The following LGALS3 variants were observed in gnomAD, a reference collection of about 807,000 sequenced individuals.
The protein encoded by LGALS3 is galectin 3.
Under a neutral mutation model 20.7 loss-of-function variants are expected in LGALS3, and 18 were observed. The observed-to-expected ratio is 0.87, with a 90% CI of 0.60 to 1.29. The LOEUF (loss-of-function observed/expected upper bound fraction) is 1.29, where lower values mean the gene tolerates loss of function less well. Ranked by LOEUF, LGALS3 falls within the 50% of genes most tolerant of loss-of-function variation. The pLI is 0.00. For synonymous variants in LGALS3, 112 were observed against 119.6 expected (o/e 0.94, Z 0.42); for missense variants, 315 against 314.7 (o/e 1.00, Z -0.01).
chr14:55,143,645 C>T (rs1329586144), intron 5 of LGALS3: 10 of 184,106 alleles, frequency 5.4e-5, no homozygotes, highest in Non-Finnish European at 8.2e-5. Flanking sequence ...TGGTCTTGAT[C>T]TCTTGACCTC....
chr14:55,141,552 T>C (rs758345484), intron 4 of LGALS3, among the ~76,000 whole-genome samples: 23 of 152,202 alleles, frequency 1.5e-4, no homozygotes, highest in Non-Finnish European at 2.6e-4. Flanking sequence ...GAGATGTAGA[T>C]TGAGACTGGC....
Position 55,138,130 on chromosome 14 carries a change from G to T in LGALS3, c.104G>T (p.Gly35Val), listed in dbSNP as rs1472253260. 6.4e-7 allele frequency: 1 copy of T among 1,566,782 alleles called. No homozygotes were observed. The highest frequency in any genetic ancestry group is 8.6e-7 in the Non-Finnish European group (1 of 1,160,256). The change falls in exon 3 of 6, where the codon GGC becomes GTC. Residue 35 changes from glycine (G) to valine (V), a missense_variant. Transcript: ENST00000254301. Reference protein sequence around the residue: ...AWGNQPAGAGGYPGASYPGAY... With the variant: ...AWGNQPAGAGVYPGASYPGAY... The stretch of plus-strand genomic sequence containing the variant: ...GGGAACCAGCCTGCTGGGGCAGGGG[G>T]CTACCCAGGGGCTTCCTATCCTGGG...
intron 5 of LGALS3, among the ~76,000 whole-genome samples, chr14:55,143,249 A>G (rs1286635030): frequency 3.9e-5 from 6 of 152,172 alleles, no homozygotes; most frequent in African/African-American, 1.2e-4. Context: ...GACATACAGC[A>G]CGCTTTTTAT....
Position 55,142,769 on chromosome 14 carries a change from A to T in LGALS3, c.597+20A>T, listed in dbSNP as rs1461879090. On this transcript the variant is annotated intron_variant, in intron 5 of 5. Coordinates refer to ENST00000254301, the MANE Select transcript of LGALS3 (RefSeq NM_002306.4). ...TTCAAAGTAAGTTATTGCTACTATT[A>T]TATATTGATAATGTATATTTCTCAT... 9 of 1,572,536 alleles carry T rather than the reference A, an allele frequency of 5.7e-6. No homozygotes were observed. The highest frequency in any genetic ancestry group is 7.9e-6 in the Non-Finnish European group (9 of 1,143,476).
rs991803277 is a variant in LGALS3, at chr14:55,145,331, C to T, written c.*60C>T. 2.5e-6 allele frequency: 4 copies of T among 1,602,480 alleles called. No homozygotes were observed. The African/African-American group carries it at 5.4e-5, about 21-fold the overall frequency. On this transcript the variant is annotated 3_prime_UTR_variant, in exon 6 of 6. Coordinates refer to ENST00000254301, the MANE Select transcript of LGALS3 (RefSeq NM_002306.4). ...CTAAACCTTACATGTGTAAAGGTTTCATGTTCACTGTGAGTGAAAATTTTT... is the reference window on the plus strand; with the variant it reads ...CTAAACCTTACATGTGTAAAGGTTTTATGTTCACTGTGAGTGAAAATTTTT...
intron 1 of LGALS3, 72 bp from the exon 2 acceptor site, chr14:55,137,298 A>T: frequency 1.5e-6 from 2 of 1,342,566 alleles, no homozygotes; most frequent in South Asian, 1.2e-5. Context: ...ACAATGAACT[A>T]GTGGTGAGGT....
chr14:55,132,670 C>T (rs999631451), intron 1 of LGALS3, among the ~76,000 whole-genome samples: 2 of 152,098 alleles, frequency 1.3e-5, no homozygotes, highest in Non-Finnish European at 2.9e-5. Context: ...CGGGTTCAAG[C>T]GATTCTCCTG....
In LGALS3 at chr14:55,135,690, G is replaced by A. The variant is rs527516982; in HGVS notation, c.-4-1680G>A. 4.0e-5 allele frequency among the ~76,000 whole-genome samples: 6 copies of A among 148,422 alleles called. No individual in the cohort carries two copies. The East Asian group carries it at 6.1e-4, about 15-fold the overall frequency. On this transcript the variant is annotated intron_variant, in intron 1 of 5. Transcript: ENST00000254301. ...AATGATCCTCCCACCTCAGCCCCTC[G>A]AGTAGCTGGGAACACAGGCATGCGC...
chr14:55,136,329 T>C (rs1032398289), intron 1 of LGALS3, among the ~76,000 whole-genome samples: 1 of 151,916 alleles, frequency 6.6e-6, no homozygotes, highest in African/African-American at 2.4e-5. Context: ...AAAAAGCACA[T>C]ACAAACTTCA....
At chr14:55,135,551 T>C (rs1376263175) in intron 1 of LGALS3, among the ~76,000 whole-genome samples, 1 of 150,242 alleles carries the variant, frequency 6.7e-6, no homozygotes, top group Non-Finnish European at 1.5e-5. Flanking sequence ...AATAAGGTAA[T>C]ATTTTATGGT....
chr14:55,144,923 A>G (rs1174472373), intron 5 of LGALS3, among the ~76,000 whole-genome samples, 193 bp from the exon 6 acceptor site: 1 of 152,226 alleles, frequency 6.6e-6, no homozygotes, highest in Non-Finnish European at 1.5e-5. Flanking sequence ...CCCACAAATG[A>G]TAAGGATGAA....
At position 55,142,730 on chromosome 14, in the gene LGALS3, A is replaced by C; in HGVS notation, c.578A>C (p.Glu193Ala). The C allele has an allele frequency of 6.2e-7, 1 of 1,613,258 alleles. No individual in the cohort carries two copies. The highest frequency in any genetic ancestry group is 8.5e-7 in the Non-Finnish European group (1 of 1,179,238). The change falls in exon 5 of 6, where the codon GAA (glutamate) becomes GCA (alanine). Residue 193 changes from glutamate to alanine, a missense_variant. Glu to Ala is a moderately radical substitution (Grantham distance 107). Coordinates refer to ENST00000254301, the MANE Select transcript of LGALS3 (RefSeq NM_002306.4). ...REERQSVFPF[E>A]SGKPFKIQVL... ...GAAAGACAGTCGGTTTTCCCATTTG[A>C]AAGTGGGAAACCATTCAAAGTAAGT...
chr14:55,145,418 T>C lies in LGALS3; in HGVS notation c.*147T>C, dbSNP rs1881788796. 1 of 1,407,472 alleles carries C rather than the reference T, an allele frequency of 7.1e-7. No homozygotes were observed. Among genetic ancestry groups the C allele is most frequent in the Non-Finnish European group, 9.7e-7 (1 of 1,035,044 alleles). The allele number at this position is 1,407,472 out of a possible 1,614,324, so 87.2% of individuals were successfully genotyped here. ...AATAAATATTACAGTGAATTACCTGTCTCAATATGTCATTTAATTGGAGTG... is the reference window on the plus strand; with the variant it reads ...AATAAATATTACAGTGAATTACCTGCCTCAATATGTCATTTAATTGGAGTG... On this transcript the variant is annotated 3_prime_UTR_variant, in exon 6 of 6. Coordinates refer to ENST00000254301, the MANE Select transcript of LGALS3 (RefSeq NM_002306.4).
chr14:55,142,898 C>A, intron 5 of LGALS3, 149 bp downstream of exon 5: 1 of 599,250 alleles, frequency 1.7e-6, no homozygotes. Context: ...GGACCAGGCT[C>A]AGCAGGCTGA....
chr14:55,134,924 G>A (rs1211090643), intron 1 of LGALS3, among the ~76,000 whole-genome samples: 1 of 152,150 alleles, frequency 6.6e-6, no homozygotes, highest in Non-Finnish European at 1.5e-5. Context: ...GGATGCTGAG[G>A]TGGGAGGATC....
At chr14:55,136,501 G>T (rs1341562393) in intron 1 of LGALS3, among the ~76,000 whole-genome samples, 50 of 151,968 alleles carry the variant, frequency 3.3e-4, no homozygotes, top group Admixed American at 3.3e-3. Context: ...TGCACTGTAG[G>T]CCCTTCGGCT....
chr14:55,133,672 C>T (rs1881297228), intron 1 of LGALS3, among the ~76,000 whole-genome samples: 2 of 152,214 alleles, frequency 1.3e-5, no homozygotes, highest in South Asian at 2.1e-4. Context: ...TGTGTCGAGA[C>T]ACAATCTATA....
intron 1 of LGALS3, among the ~76,000 whole-genome samples, chr14:55,135,560 G>GGTTT (rs1555380241): frequency 2.1e-4 from 22 of 106,566 alleles, no homozygotes; most frequent in African/African-American, 8.9e-4. Flanking sequence ...ATATTTTATG[G>GGTTT]TTTTTTTTTT....
chr14:55,136,667 CCA>C (rs1166473766), intron 1 of LGALS3, among the ~76,000 whole-genome samples: 1 of 152,114 alleles, frequency 6.6e-6, no homozygotes, highest in African/African-American at 2.4e-5. Flanking sequence ...TACAAACAAT[CCA>C]GTTATACTTT....
Sources: gnomAD v4.1 joint callset for allele counts (sites outside exome capture counted in the v4.1 genomes callset) on GRCh38, gnomAD v4.1.1 for gene constraint, MANE v1.5 for transcripts, NCBI Gene and HGNC (gene_info 2026-07-23, HGNC 2026-07-21) for gene names.